Variants in MS4A6A observed in about 807,000 individuals in gnomAD.
MS4A6A encodes the protein membrane spanning 4-domains A6A.
In MS4A6A, 19 loss-of-function variants were observed where a neutral mutation model predicts 20.6. That is an observed-to-expected ratio of 0.92 (90% CI 0.64 to 1.36). The LOEUF is 1.36. MS4A6A is among the 40% of genes most tolerant of loss of function. MS4A6A has a pLI of 0.00. For missense variants in MS4A6A, 272 were observed against 261.1 expected, an observed-to-expected ratio of 1.04 and a Z score of -0.29; for synonymous variants, 108 against 105.0, an observed-to-expected ratio of 1.03 and a Z score of -0.17.
Position 60,180,037 on chromosome 11 carries a change from A to T in MS4A6A, c.148-72T>A, listed in dbSNP as rs536424213. ...AAGACAGGGCCTTTTTGCCGCTCCC[A>T]TGGCACTAATGCATTATCGCCTTCT... On this transcript the variant is annotated intron_variant, in intron 2 of 5. Transcript: ENST00000528851. The T allele has an allele frequency of 7.7e-6, 11 of 1,437,028 alleles. No individual in the cohort carries two copies. In the East Asian group the frequency reaches 2.5e-4, roughly 33 times the overall value. 89.0% of individuals were successfully genotyped at this position (1,437,028 alleles called of 1,614,324 possible). A position where few individuals can be genotyped will look rare whatever the true frequency, so the allele number is the denominator to read the frequency against.
intron 3 of MS4A6A, among the ~76,000 whole-genome samples, chr11:60,179,203 A>G (rs934607539): frequency 2.6e-5 from 4 of 152,186 alleles, no homozygotes; most frequent in African/African-American, 9.7e-5. Flanking sequence ...CATCTATGAA[A>G]GGGAAACTTA....
chr11:60,178,127 C>T lies in MS4A6A; in HGVS notation c.339+133G>A, dbSNP rs868056267. ...GGATACAGAGGATCCAGGCCCAGCT[C>T]CTAATTCTAACAACAACCAACTGCT... On this transcript the variant is annotated intron_variant, in intron 4 of 5. Coordinates refer to ENST00000528851, the MANE Select transcript of MS4A6A (RefSeq NM_022349.4). 38 of 778,024 alleles carry T rather than the reference C, an allele frequency of 4.9e-5. No homozygotes were observed. In the Admixed American group the frequency reaches 5.1e-4, roughly 10 times the overall value. 48.2% of individuals were successfully genotyped at this position (778,024 alleles called of 1,614,324 possible).
intron 5 of MS4A6A, among the ~76,000 whole-genome samples, chr11:60,173,705 T>C (rs1011057929): frequency 6.6e-6 from 1 of 152,258 alleles, no homozygotes; most frequent in African/African-American, 2.4e-5. Flanking sequence ...ATTTTTGTTG[T>C]TGTTTCTTTG....
chr11:60,174,153 T>G (rs1856719285), intron 5 of MS4A6A, among the ~76,000 whole-genome samples: 1 of 152,226 alleles, frequency 6.6e-6, no homozygotes, highest in African/African-American at 2.4e-5. Flanking sequence ...CCTCATTTAC[T>G]TGTACTTTTT....
upstream of MS4A6A, chr11:60,183,218 C>G: frequency 6.5e-7 from 1 of 1,528,622 alleles, no homozygotes; most frequent in Non-Finnish European, 8.8e-7. Flanking sequence ...AAAGAGCCAA[C>G]TAATATTTGT....
intron 2 of MS4A6A, chr11:60,180,286 C>A (rs1857065237): frequency 5.9e-6 from 2 of 339,750 alleles, no homozygotes; most frequent in Admixed American, 4.5e-5. Flanking sequence ...GCTCTCAGGA[C>A]CTCTAAGTCC....
At chr11:60,175,667 C>T (rs1856802177) in intron 4 of MS4A6A, 56 bp from the exon 5 acceptor site, 1 of 1,546,754 alleles carries the variant, frequency 6.5e-7, no homozygotes, top group South Asian at 1.1e-5. Context: ...ATCTGTTATG[C>T]ATCTTTGCCA....
intron 3 of MS4A6A, 55 bp from the exon 4 acceptor site, chr11:60,178,371 C>T (rs1023876555): frequency 1.8e-5 from 26 of 1,406,844 alleles, no homozygotes; most frequent in African/African-American, 1.0e-4. Context: ...GTACCTTCGA[C>T]GTCACTATCA....
chr11:60,181,633 TGGTTGGTG>T lies in MS4A6A; in HGVS notation c.87_94del (p.Thr30GlyfsTer4). 6.2e-7 allele frequency: 1 copy of T among 1,613,842 alleles called. No homozygotes were observed. The highest frequency in any genetic ancestry group is 1.1e-5 in the South Asian group (1 of 91,070). On this transcript the variant is annotated frameshift_variant, in exon 2 of 6. Coordinates refer to ENST00000528851, the MANE Select transcript of MS4A6A (RefSeq NM_022349.4). LOFTEE classifies it high-confidence loss of function. The stretch of plus-strand genomic sequence containing the variant: ...ATGTTTCTTCAGGCTATCCTGCCCC[TGGTTGGTG>T]GGTTCGGGTTTCTCTGCTTGGGAGA...
rs558874890 is a variant in MS4A6A, at chr11:60,175,540, G to A, written c.411C>T (p.Val137=). Residue 137 remains valine, a synonymous_variant, in exon 5 of 6, where the codon GTC becomes GTT. Transcript: ENST00000528851. ...SALVGFIILS[V]KQATLNPASL... is the part of the protein sequence containing the mutation. ...AGGCAGGATTTAAGGTGGCCTGTTTGACAGACAGGATAATGAAACCCACCA... is the reference window on the plus strand; with the variant it reads ...AGGCAGGATTTAAGGTGGCCTGTTTAACAGACAGGATAATGAAACCCACCA... The A allele has an allele frequency of 6.8e-6, 11 of 1,614,128 alleles. No homozygotes were observed. The East Asian group carries it at 2.2e-4, about 33-fold the overall frequency.
At chr11:60,183,254 A>G, upstream of MS4A6A, 1 of 1,381,386 alleles carries the variant, frequency 7.2e-7, no homozygotes, top group South Asian at 1.3e-5. Context: ...ATGGAGCCTT[A>G]TGTGTGAATT....
chr11:60,181,507 T>A (rs1332110063), intron 2 of MS4A6A, 74 bp downstream of exon 2: 34 of 1,576,414 alleles, frequency 2.2e-5, no homozygotes, highest in African/African-American at 2.7e-5. Context: ...ACGACAGATG[T>A]CCAGTCCCAA....
upstream of MS4A6A, chr11:60,183,623 GT>G (rs1416110446): frequency 6.6e-6 from 1 of 152,638 alleles, no homozygotes; most frequent in African/African-American, 2.4e-5. Flanking sequence ...TATATATATA[GT>G]TTGTTTGTTT....
rs1232193724 is a variant in MS4A6A at position 60,177,023 on chromosome 11, TA to T, written c.339+1236del. On this transcript the variant is annotated intron_variant, in intron 4 of 5. Transcript: ENST00000528851. ...CCACATAGACTATCTATATTTAAAG[TA>T]AAATTAAGAGAAATTTTTATTCAGT... 2.6e-5 allele frequency: 4 copies of T among 152,346 alleles called. No individual in the cohort carries two copies. The East Asian group carries it at 5.8e-4, about 22-fold the overall frequency. 9.4% of individuals were successfully genotyped at this position (152,346 alleles called of 1,614,324 possible).
chr11:60,175,670 C>G, intron 4 of MS4A6A, 59 bp from the exon 5 acceptor site: 3 of 1,548,888 alleles, frequency 1.9e-6, no homozygotes, highest in Non-Finnish European at 2.7e-6. Context: ...TGTTATGCAT[C>G]TTTGCCATTA....
intron 4 of MS4A6A, among the ~76,000 whole-genome samples, chr11:60,176,319 G>T (rs1186098551): frequency 6.6e-6 from 1 of 152,110 alleles, no homozygotes; most frequent in African/African-American, 2.4e-5. Context: ...ACAAGAAAAA[G>T]GTCTGAACTG....
chr11:60,172,150 C>CT (rs1229557659), downstream of MS4A6A: 4 of 1,605,952 alleles, frequency 2.5e-6, no homozygotes, highest in African/African-American at 1.3e-5. Flanking sequence ...ATATTTCTCC[C>CT]TTTTTTCTTA....
chr11:60,172,780 A>T lies in MS4A6A; in HGVS notation c.*221T>A, dbSNP rs1161133491. 4 of 1,320,074 alleles carry T rather than the reference A, an allele frequency of 3.0e-6. No homozygotes were observed. Among genetic ancestry groups the T allele is most frequent in the Non-Finnish European group, 3.9e-6 (4 of 1,026,832 alleles). The allele number at this position is 1,320,074 out of a possible 1,614,324, so 81.8% of individuals were successfully genotyped here. On this transcript the variant is annotated 3_prime_UTR_variant, in exon 6 of 6. Transcript: ENST00000528851. ...CAGAGTCTCATTCCCTTCGCTGACA[A>T]AATAGGAAGATTGAATCAGTTGATT... is the stretch of plus-strand genomic sequence containing the variant.
intron 3 of MS4A6A, chr11:60,179,530 C>T: frequency 1.2e-5 from 7 of 563,260 alleles, no homozygotes; most frequent in South Asian, 2.4e-5. Flanking sequence ...CCAACTTTAT[C>T]CTAATTCATG....
Sources: gnomAD v4.1 joint callset for allele counts (sites outside exome capture counted in the v4.1 genomes callset) on GRCh38, gnomAD v4.1.1 for gene constraint, MANE v1.5 for transcripts, NCBI Gene and HGNC (gene_info 2026-07-23, HGNC 2026-07-21) for gene names.